COG8: variants seen among roughly 807,000 people sequenced by gnomAD.
The protein encoded by COG8 is component of oligomeric golgi complex 8.
A neutral mutation model predicts 46.5 loss-of-function variants in COG8; 45 were observed. The observed-to-expected ratio is 0.97, with a 90% CI of 0.76 to 1.24. The LOEUF is 1.24. Among genes scored for constraint, COG8 ranks in the 50% most tolerant of loss-of-function variants. COG8 has a pLI of 0.00. For synonymous variants in COG8, 407 were observed against 347.8 expected, an observed-to-expected ratio of 1.17 and a Z score of -1.90; for missense variants, 793 against 820.8, an observed-to-expected ratio of 0.97 and a Z score of 0.41.
At position 69,332,830 on chromosome 16, in the gene COG8, C is replaced by A. The variant is rs1194736742; in HGVS notation, c.1466G>T (p.Ser489Ile). ...FHRAEEAAFS[S>I]GEQELFVQFC... ...CTGGACAAAGAGCTCTTGCTCCCCGCTGCTGAAGGCAGCCTCTTCAGCGCG... is the reference window on the plus strand; with the variant it reads ...CTGGACAAAGAGCTCTTGCTCCCCGATGCTGAAGGCAGCCTCTTCAGCGCG... The change falls in exon 4 of 6, where the codon AGC becomes ATC. Residue 489 changes from serine to isoleucine, a missense_variant. By Grantham distance (142) the Ser-to-Ile change is moderately radical. Coordinates refer to ENST00000306875, the MANE Select transcript of COG8 (RefSeq NM_032382.5). 1 of 1,614,256 alleles carries A rather than the reference C, an allele frequency of 6.2e-7. No homozygotes were observed. The highest frequency in any genetic ancestry group is 8.5e-7 in the Non-Finnish European group (1 of 1,180,044).
chr16:69,338,976 G>C (rs2012368317), intron 1 of COG8, 200 bp downstream of exon 1: 1 of 738,338 alleles, frequency 1.4e-6, no homozygotes, highest in African/African-American at 1.8e-5. Context: ...CCTGGCGACA[G>C]GGCGAGACTC....
At position 69,329,115 on chromosome 16, in the gene COG8, C is replaced by T. The variant is rs775150986; in HGVS notation, c.*91G>A. On this transcript the variant is annotated 3_prime_UTR_variant, in exon 6 of 6. Coordinates refer to ENST00000306875, the MANE Select transcript of COG8 (RefSeq NM_032382.5). ...AGCCCTGCAGGTGGTCCATCTCGTGCTGGATGATGCGGGCTGCCCACCCGC... is the reference window on the plus strand; with the variant it reads ...AGCCCTGCAGGTGGTCCATCTCGTGTTGGATGATGCGGGCTGCCCACCCGC... The T allele has an allele frequency of 2.5e-6, 4 of 1,610,914 alleles. No individual in the cohort carries two copies. Among genetic ancestry groups the T allele is most frequent in the South Asian group, 2.2e-5 (2 of 90,720 alleles).
chr16:69,334,941 C>T lies in COG8; in HGVS notation c.993G>A (p.Glu331=), dbSNP rs2012109844. The T allele has an allele frequency of 2.5e-6, 4 of 1,614,164 alleles. No individual in the cohort carries two copies. The highest frequency in any genetic ancestry group is 2.5e-6 in the Non-Finnish European group (3 of 1,180,040). ...CGCCTATGCCCCGGTAAAGGTCGGT[C>T]TCCAGCACCTGCAGGAATTGTGAGA... ...QKVSQFLQVL[E]TDLYRGIGGH... Residue 331 remains glutamate, a synonymous_variant, in exon 3 of 6, where the codon GAG becomes GAA. Coordinates refer to ENST00000306875, the MANE Select transcript of COG8 (RefSeq NM_032382.5).
chr16:69,339,208 G>C lies in COG8; in HGVS notation c.345C>G (p.Leu115=), dbSNP rs753076091. 7 of 1,612,876 alleles carry C rather than the reference G, an allele frequency of 4.3e-6. No homozygotes were observed. The highest frequency in any genetic ancestry group is 5.9e-6 in the Non-Finnish European group (7 of 1,179,896). ...GDVEASLGRL[L]DRLPSFQQSC... ...TCTGCTGGAAGCTGGGCAAACGGTCGAGCAGGCGGCCGAGCGACGCCTCCA... is the reference window on the plus strand; with the variant it reads ...TCTGCTGGAAGCTGGGCAAACGGTCCAGCAGGCGGCCGAGCGACGCCTCCA... The change falls in exon 1 of 6, where the codon CTC becomes CTG. Residue 115 remains leucine (L), a synonymous_variant. Coordinates refer to ENST00000306875, the MANE Select transcript of COG8 (RefSeq NM_032382.5).
chr16:69,332,901 G>A lies in COG8; in HGVS notation c.1414-19C>T, dbSNP rs769968467. On this transcript the variant is annotated intron_variant, in intron 3 of 5. Coordinates refer to ENST00000306875, the MANE Select transcript of COG8 (RefSeq NM_032382.5). ...TAGTTACCTAAGAGACAAGGGCACC[G>A]TCAATTACTGGGACAGCCTATCACC... 9.3e-6 allele frequency: 15 copies of A among 1,613,622 alleles called. No homozygotes were observed. Among genetic ancestry groups the A allele is most frequent in the South Asian group, 4.4e-5 (4 of 91,060 alleles).
chr16:69,337,561 C>T (rs1347259463), intron 1 of COG8, among the ~76,000 whole-genome samples: 1 of 152,194 alleles, frequency 6.6e-6, no homozygotes, highest in Non-Finnish European at 1.5e-5. Flanking sequence ...TTCAACACTT[C>T]TCCATATTTG....
At chr16:69,333,877 A>G (rs888897883) in intron 3 of COG8, among the ~76,000 whole-genome samples, 2 of 152,216 alleles carry the variant, frequency 1.3e-5, no homozygotes, top group Non-Finnish European at 2.9e-5. Flanking sequence ...CTAAAGGTAA[A>G]GGGTTTTGTA....
chr16:69,333,547 C>T (rs1468248104), intron 3 of COG8, among the ~76,000 whole-genome samples: 5 of 152,212 alleles, frequency 3.3e-5, no homozygotes, highest in South Asian at 2.1e-4. Flanking sequence ...ACTATACAAG[C>T]TTTCTACTAA....
At chr16:69,330,093 C>G (rs1166808825) in intron 5 of COG8, 2 of 1,579,114 alleles carry the variant, frequency 1.3e-6, no homozygotes, top group African/African-American at 2.8e-5. Flanking sequence ...CTGTCAAGCA[C>G]TCGCAGGCTG....
At chr16:69,330,119 C>T (rs752362274) in intron 5 of COG8, 7 of 1,584,022 alleles carry the variant, frequency 4.4e-6, no homozygotes, top group Non-Finnish European at 6.0e-6. Context: ...CACGAACACG[C>T]GCAGGGGGAA....
chr16:69,338,275 T>C (rs2143371786), intron 1 of COG8: 1 of 151,830 alleles, frequency 6.6e-6, no homozygotes, highest in Non-Finnish European at 1.5e-5. Context: ...GGTTTTGCCA[T>C]GTTGGCCAGG....
Position 69,328,728 on chromosome 16 carries a change from T to C in COG8, c.*478A>G. The C allele has an allele frequency of 2.7e-6, 1 of 372,374 alleles. No homozygotes were observed. The allele number at this position is 372,374 out of a possible 1,614,324, so 23.1% of individuals were successfully genotyped here. The stretch of plus-strand genomic sequence containing the variant: ...AGATTATACAGGTCCGAGGAACTCG[T>C]GTCTACTGCAGACGAATGCAATTAC... On this transcript the variant is annotated 3_prime_UTR_variant, in exon 6 of 6. Coordinates refer to ENST00000306875, the MANE Select transcript of COG8 (RefSeq NM_032382.5).
chr16:69,334,497 A>G (rs963420034), intron 3 of COG8, 24 bp downstream of exon 3: 3 of 1,606,608 alleles, frequency 1.9e-6, no homozygotes, highest in Admixed American at 1.7e-5. Context: ...CCAGGGTAGC[A>G]GAAAACCAAC....
At position 69,330,181 on chromosome 16, in the gene COG8, C is replaced by A. The variant is rs76541160; in HGVS notation, c.*26+632G>T. On this transcript the variant is annotated intron_variant, in intron 5 of 5. Transcript: ENST00000306875. Reference sequence around the variant, plus strand: ...GGCGGGGCGGGCACTCCCGACACAGCGCCTCGGGGAGCTCCAGCGCCAGCA... The same window carrying A: ...GGCGGGGCGGGCACTCCCGACACAGAGCCTCGGGGAGCTCCAGCGCCAGCA... 1,481 of 1,494,186 alleles carry A rather than the reference C, an allele frequency of 9.9e-4. 15 individuals carry two copies. The African/African-American group carries it at 0.018, about 19-fold the overall frequency. 92.6% of individuals were successfully genotyped at this position (1,494,186 alleles called of 1,614,324 possible).
chr16:69,333,460 G>C (rs1349553681), intron 3 of COG8, among the ~76,000 whole-genome samples: 1 of 152,170 alleles, frequency 6.6e-6, no homozygotes, highest in Non-Finnish European at 1.5e-5. Flanking sequence ...GAGCCACTGC[G>C]CCCGGCCCAA....
chr16:69,332,961 A>T lies in COG8; in HGVS notation c.1414-79T>A, dbSNP rs1034108284. The T allele has an allele frequency of 5.2e-6, 7 of 1,344,404 alleles. No individual in the cohort carries two copies. The South Asian group carries it at 8.2e-5, about 16-fold the overall frequency. The allele number at this position is 1,344,404 out of a possible 1,614,324, so 83.3% of individuals were successfully genotyped here. A position where few individuals can be genotyped will look rare whatever the true frequency, so the allele number is the denominator to read the frequency against. On this transcript the variant is annotated intron_variant, in intron 3 of 5. Coordinates refer to ENST00000306875, the MANE Select transcript of COG8 (RefSeq NM_032382.5). ...GCAGTGCATGAAACTAGGCAAAAAA[A>T]TGTATGCCCCTCCAGTTTTCCTGAA...
At chr16:69,338,267 T>G (rs945832236) in intron 1 of COG8, 1 of 151,636 alleles carries the variant, frequency 6.6e-6, no homozygotes, top group Non-Finnish European at 1.5e-5. Flanking sequence ...AGAGACAGGG[T>G]TTTGCCATGT....
chr16:69,339,293 T>G lies in COG8; in HGVS notation c.260A>C (p.Tyr87Ser). 6.2e-7 allele frequency: 1 copy of G among 1,612,188 alleles called. No homozygotes were observed. The highest frequency in any genetic ancestry group is 2.2e-5 in the East Asian group (1 of 44,848). The change falls in exon 1 of 6, where the codon TAC becomes TCC. Residue 87 changes from tyrosine to serine, a missense_variant. Coordinates refer to ENST00000306875, the MANE Select transcript of COG8 (RefSeq NM_032382.5). Reference sequence around the variant, plus strand: ...CTCGGCGCCGCGGATGAAGGTCTTGTAGTTAGCGAAGGCCAAGTCGCGCGT... The same window carrying G: ...CTCGGCGCCGCGGATGAAGGTCTTGGAGTTAGCGAAGGCCAAGTCGCGCGT... ...QQTRDLAFANYKTFIRGAECT... is the reference protein window; with the variant it reads ...QQTRDLAFANSKTFIRGAECT...
At chr16:69,332,058 G>GA (rs144129341) in intron 4 of COG8, among the ~76,000 whole-genome samples, 2,848 of 152,022 alleles carry the variant, frequency 0.019, 87 homozygotes, top group African/African-American at 0.064. Context: ...AAGTGAATTG[G>GA]AAAAAAGACT....
Sources: gnomAD v4.1 joint callset for allele counts (sites outside exome capture counted in the v4.1 genomes callset) on GRCh38, gnomAD v4.1.1 for gene constraint, MANE v1.5 for transcripts, NCBI Gene and HGNC (gene_info 2026-07-23, HGNC 2026-07-21) for gene names.